The following EPB41L4B variants were observed in gnomAD, a reference collection of about 807,000 sequenced individuals.
EPB41L4B encodes the protein band 4.1-like protein 4B.
In EPB41L4B, 30 loss-of-function variants were observed where a neutral mutation model predicts 112.5. The ratio of observed to expected loss-of-function variants is 0.27; its 90% CI spans 0.20 to 0.36. EPB41L4B has a LOEUF of 0.36. Among genes scored for constraint, EPB41L4B ranks in the 10% least tolerant of loss-of-function variants. The pLI is 1.00. For synonymous variants in EPB41L4B, 408 were observed against 439.7 expected (o/e 0.93, Z 0.90); for missense variants, 1,024 against 1,133.3 (o/e 0.90, Z 1.38).
chr9:109,318,240 T>G (rs1305389847), intron 1 of EPB41L4B, among the ~76,000 whole-genome samples: 2 of 151,872 alleles, frequency 1.3e-5, no homozygotes, highest in Admixed American at 6.6e-5. Context: ...ATCAAGAAAT[T>G]TGCCGTCCTG....
In EPB41L4B at chr9:109,177,203, TG is replaced by T. The variant is rs548493058; in HGVS notation, c.2488-508del. Among the ~76,000 whole-genome samples, 611 of 152,290 alleles carry T rather than the reference TG, an allele frequency of 4.0e-3. 5 individuals carry two copies. The highest frequency in any genetic ancestry group is 0.014 in the African/African-American group (588 of 41,558). ...AACCAGGGCTAGCTGACACCATAAC[TG>T]GGGTTTTTCATTACTGTAGCAGTGG... On this transcript the variant is annotated intron_variant, in intron 24 of 25. Transcript: ENST00000374566.
intron 20 of EPB41L4B, among the ~76,000 whole-genome samples, chr9:109,197,515 T>G (rs1832682362): frequency 6.6e-6 from 1 of 152,110 alleles, no homozygotes; most frequent in Non-Finnish European, 1.5e-5. Context: ...ACAATAACAC[T>G]GGGAAAATCT....
At chr9:109,237,134 AG>A (rs1413966847) in intron 15 of EPB41L4B, among the ~76,000 whole-genome samples, 2 of 152,232 alleles carry the variant, frequency 1.3e-5, no homozygotes, top group Non-Finnish European at 2.9e-5. Context: ...CTGACCTGGA[AG>A]GATGGTGCAA....
At chr9:109,260,331 A>G (rs533049282) in intron 6 of EPB41L4B, among the ~76,000 whole-genome samples, 1 of 152,014 alleles carries the variant, frequency 6.6e-6, no homozygotes, top group South Asian at 2.1e-4. Context: ...CAGCCTCCCA[A>G]AGTGCTGAGA....
chr9:109,307,091 C>T, intron 1 of EPB41L4B: 1 of 213,770 alleles, frequency 4.7e-6, no homozygotes, highest in Non-Finnish European at 9.6e-6. Flanking sequence ...TAAATGGATG[C>T]AACTGTAACT....
chr9:109,241,593 A>T, intron 15 of EPB41L4B: 1 of 1,598,968 alleles, frequency 6.3e-7, no homozygotes, highest in Non-Finnish European at 8.5e-7. Flanking sequence ...CATCCATCTG[A>T]GGCCAAGACA....
In EPB41L4B at chr9:109,200,273, G is replaced by T. The variant is rs1437443334; in HGVS notation, c.2008C>A (p.Pro670Thr). ...CTTGTTAACTTCCTCACTCGGGGAG[G>T]CTTGATTTCCGGCTTTTCCACAGCT... The part of the protein sequence containing the change: ...QPAVEKPEIK[P>T]PRVRKLTRQY... Residue 670 changes from proline to threonine, a missense_variant, in exon 20 of 26, where the codon CCT (proline) becomes ACT (threonine). By Grantham distance (38) the Pro-to-Thr change is conservative. Transcript: ENST00000374566. 4 of 1,614,074 alleles carry T rather than the reference G, an allele frequency of 2.5e-6. No individual in the cohort carries two copies. Among genetic ancestry groups the T allele is most frequent in the South Asian group, 1.1e-5 (1 of 91,072 alleles).
Position 109,182,806 on chromosome 9 carries a change from G to C in EPB41L4B, c.2419-9C>G. 6.3e-7 allele frequency: 1 copy of C among 1,599,524 alleles called. No homozygotes were observed. Among genetic ancestry groups the C allele is most frequent in the South Asian group, 1.1e-5 (1 of 90,746 alleles). ...ACCGGGAATGTTTTTATCTTCAAAA[G>C]AGAGAAAGACAAGGGGGTTACCTTC... On this transcript the variant is annotated splice_polypyrimidine_tract_variant and intron_variant, in intron 23 of 25. Transcript: ENST00000374566.
At chr9:109,183,374 A>G (rs1832137626) in intron 23 of EPB41L4B, among the ~76,000 whole-genome samples, 1 of 152,198 alleles carries the variant, frequency 6.6e-6, no homozygotes, top group Non-Finnish European at 1.5e-5. Context: ...CCGTGGAAGC[A>G]TGGGAGAATC....
intron 23 of EPB41L4B, 114 bp downstream of exon 23, chr9:109,185,375 G>C: frequency 2.3e-6 from 2 of 851,102 alleles, no homozygotes; most frequent in Non-Finnish European, 3.9e-6. Flanking sequence ...CTGTCGATGG[G>C]CTCTGCCCGA....
At chr9:109,281,126 C>CT (rs377524946) in intron 1 of EPB41L4B, among the ~76,000 whole-genome samples, 10,624 of 133,664 alleles carry the variant, frequency 0.079, 522 homozygotes, top group Non-Finnish European at 0.12. Context: ...AAATGTGAGA[C>CT]TTTTTTTTTT....
intron 13 of EPB41L4B, among the ~76,000 whole-genome samples, chr9:109,250,379 T>C (rs561391506): frequency 2.6e-5 from 4 of 152,256 alleles, no homozygotes; most frequent in Middle Eastern, 3.4e-3. Context: ...TCCTGACTGA[T>C]AGTGCATGGC....
chr9:109,206,037 C>G (rs978104547), intron 18 of EPB41L4B, among the ~76,000 whole-genome samples: 4 of 152,082 alleles, frequency 2.6e-5, no homozygotes, highest in Admixed American at 2.6e-4. Flanking sequence ...ATTCAGATTG[C>G]TACATATATA....
intron 15 of EPB41L4B, among the ~76,000 whole-genome samples, chr9:109,239,062 C>T (rs1262961738): frequency 6.6e-6 from 1 of 152,316 alleles, no homozygotes; most frequent in African/African-American, 2.4e-5. Context: ...AAAGATCACT[C>T]TAGTGACTGG....
chr9:109,229,836 G>A (rs1302948182), intron 15 of EPB41L4B, among the ~76,000 whole-genome samples: 1 of 152,142 alleles, frequency 6.6e-6, no homozygotes, highest in Non-Finnish European at 1.5e-5. Context: ...GGAGCTTCAA[G>A]CAGCCTTGTC....
At chr9:109,269,180 C>T (rs1835520028) in intron 2 of EPB41L4B, among the ~76,000 whole-genome samples, 1 of 152,202 alleles carries the variant, frequency 6.6e-6, no homozygotes, top group African/African-American at 2.4e-5. Flanking sequence ...TCGTCCTAAA[C>T]TCTTTAAAGT....
rs566603254 is a variant in EPB41L4B at position 109,238,729 on chromosome 9, G to A, written c.1409+4889C>T. 9.2e-5 allele frequency among the ~76,000 whole-genome samples: 14 copies of A among 152,340 alleles called. 1 individual carries two copies. The highest frequency in any genetic ancestry group is 3.1e-4 in the African/African-American group (13 of 41,574). Reference sequence around the variant, plus strand: ...TAACCCAATTTGCAGAGGTGGGGCCGTCAAGAGTCCCTGGGAGAAGATGTC... The same window carrying A: ...TAACCCAATTTGCAGAGGTGGGGCCATCAAGAGTCCCTGGGAGAAGATGTC... On this transcript the variant is annotated intron_variant, in intron 15 of 25. Coordinates refer to ENST00000374566, the MANE Select transcript of EPB41L4B (RefSeq NM_019114.5).
intron 1 of EPB41L4B, among the ~76,000 whole-genome samples, chr9:109,281,046 G>A (rs932825386): frequency 6.6e-6 from 1 of 151,180 alleles, no homozygotes; most frequent in African/African-American, 2.4e-5. Flanking sequence ...ACTTTGAGTT[G>A]GACAATGATT....
intron 1 of EPB41L4B, among the ~76,000 whole-genome samples, chr9:109,286,674 C>T (rs1423898470): frequency 2.0e-5 from 3 of 152,174 alleles, no homozygotes; most frequent in African/African-American, 7.2e-5. Context: ...ACACAACTCA[C>T]GTTACTCCCT....
Sources: gnomAD v4.1 joint callset for allele counts (sites outside exome capture counted in the v4.1 genomes callset) on GRCh38, gnomAD v4.1.1 for gene constraint, MANE v1.5 for transcripts, NCBI Gene and HGNC (gene_info 2026-07-23, HGNC 2026-07-21) for gene names.